The following YLPM1 variants were observed in gnomAD, a reference collection of about 807,000 sequenced individuals.
The protein encoded by YLPM1 is YLP motif-containing protein 1.
YLPM1 carries 99 observed loss-of-function variants against 230.0 expected under a neutral mutation model. That is an observed-to-expected ratio of 0.43 (90% CI 0.37 to 0.51). YLPM1 has a LOEUF of 0.51. YLPM1 is among the 20% of genes least tolerant of loss of function. YLPM1 has a pLI of 0.00. For synonymous variants in YLPM1, 984 were observed against 942.5 expected (o/e 1.04, Z -0.81); for missense variants, 2,592 against 2,707.7 (o/e 0.96, Z 0.95).
intron 4 of YLPM1, among the ~76,000 whole-genome samples, chr14:74,796,616 G>A (rs893446946): frequency 2.0e-5 from 3 of 152,014 alleles, no homozygotes; most frequent in African/African-American, 7.3e-5. Flanking sequence ...GTATCTCTTG[G>A]ATGTAATGTA....
At chr14:74,826,911 A>G (rs2091567292) in intron 18 of YLPM1, among the ~76,000 whole-genome samples, 2 of 152,186 alleles carry the variant, frequency 1.3e-5, no homozygotes, top group Non-Finnish European at 2.9e-5. Flanking sequence ...AATATTTGAG[A>G]CTGTTACCAT....
At chr14:74,773,204 C>T (rs1217447070) in intron 1 of YLPM1, among the ~76,000 whole-genome samples, 3 of 152,092 alleles carry the variant, frequency 2.0e-5, no homozygotes, top group South Asian at 2.1e-4. Flanking sequence ...AGGAGAATGG[C>T]GTGAACTCGG....
At chr14:74,810,161 T>A in intron 8 of YLPM1, 64 bp from the exon 9 acceptor site, 1 of 1,554,238 alleles carries the variant, frequency 6.4e-7, no homozygotes, top group Non-Finnish European at 8.7e-7. Flanking sequence ...AAGTTAGATT[T>A]ATAGTTTTCT....
In YLPM1 at chr14:74,816,981, C is replaced by T; in HGVS notation, c.5736C>T (p.Ser1912=). ...EAEMEETYRT[S]MFKTFKKTLD... ...AGATGGAGGAGACTTACCGCACCAG[C>T]ATGTTCAAAACTTTCAAAAAGACTC... Residue 1912 remains serine (S), a synonymous_variant, in exon 14 of 21, where the codon AGC becomes AGT. Coordinates refer to ENST00000325680, the MANE Select transcript of YLPM1 (RefSeq NM_019589.3). The T allele has an allele frequency of 6.2e-7, 1 of 1,607,556 alleles. No homozygotes were observed. The highest frequency in any genetic ancestry group is 8.5e-7 in the Non-Finnish European group (1 of 1,177,818).
rs114093282 is a variant in YLPM1, at chr14:74,791,738, A to T, written c.2283-5842A>T. Among the ~76,000 whole-genome samples the T allele has an allele frequency of 5.0e-3, 761 of 152,322 alleles. 6 individuals carry two copies. Among genetic ancestry groups the T allele is most frequent in the African/African-American group, 0.018 (729 of 41,564 alleles). Reference sequence around the variant, plus strand: ...TGTCTCACTCTTCCTGTGGACAGTGAACTCCTTGAGGTTAGGCATGACTCT... The same window carrying T: ...TGTCTCACTCTTCCTGTGGACAGTGTACTCCTTGAGGTTAGGCATGACTCT... On this transcript the variant is annotated intron_variant, in intron 4 of 20. Coordinates refer to ENST00000325680, the MANE Select transcript of YLPM1 (RefSeq NM_019589.3).
chr14:74,808,159 A>G (rs1200201913), intron 6 of YLPM1, among the ~76,000 whole-genome samples: 1 of 152,180 alleles, frequency 6.6e-6, no homozygotes, highest in East Asian at 1.9e-4. Flanking sequence ...GTTAATCCTC[A>G]TTCCTACCCC....
chr14:74,813,908 A>C (rs1373910818), intron 11 of YLPM1, among the ~76,000 whole-genome samples: 1 of 152,200 alleles, frequency 6.6e-6, no homozygotes, highest in Non-Finnish European at 1.5e-5. Context: ...TGTCATCTGC[A>C]AATATACTTT....
chr14:74,811,895 G>T (rs2091438272), intron 10 of YLPM1, among the ~76,000 whole-genome samples, 157 bp downstream of exon 10: 1 of 152,156 alleles, frequency 6.6e-6, no homozygotes, highest in Non-Finnish European at 1.5e-5. Flanking sequence ...TGTAATTAAT[G>T]AAATAAAGCA....
Position 74,763,951 on chromosome 14 carries a change from T to C in YLPM1, c.462T>C (p.Pro154=). 8.9e-7 allele frequency: 1 copy of C among 1,128,450 alleles called. No individual in the cohort carries two copies. The highest frequency in any genetic ancestry group is 1.1e-6 in the Non-Finnish European group (1 of 886,690). The allele number at this position is 1,128,450 out of a possible 1,614,324, so 69.9% of individuals were successfully genotyped here. A position where few individuals can be genotyped will look rare whatever the true frequency, so the allele number is the denominator to read the frequency against. ...ESPPESPPVP[P]GSYMPPSQSY... ...CCCCTGAATCTCCCCCTGTGCCGCC[T>C]GGGTCCTATATGCCCCCATCTCAGT... The change falls in exon 1 of 21, where the codon CCT becomes CCC. Residue 154 remains proline (P), a synonymous_variant. Coordinates refer to ENST00000325680, the MANE Select transcript of YLPM1 (RefSeq NM_019589.3).
Position 74,835,339 on chromosome 14 carries a change from T to A in YLPM1, c.6369T>A (p.Thr2123=). Reference sequence around the variant, plus strand: ...CCATAGGTTTTGTGGTCGGACAGACTGATTGGGAGAAGATCACAGATGAAA... The same window carrying A: ...CCATAGGTTTTGTGGTCGGACAGACAGATTGGGAGAAGATCACAGATGAAA... ...KRAIGFVVGQ[T]DWEKITDESG... The change falls in exon 20 of 21, where the codon ACT becomes ACA. Residue 2123 remains threonine (T), a synonymous_variant. Coordinates refer to ENST00000325680, the MANE Select transcript of YLPM1 (RefSeq NM_019589.3). The A allele has an allele frequency of 6.2e-7, 1 of 1,613,784 alleles. No individual in the cohort carries two copies. The highest frequency in any genetic ancestry group is 2.2e-5 in the East Asian group (1 of 44,870).
chr14:74,764,071 C>G lies in YLPM1; in HGVS notation c.582C>G (p.Ser194=). The change falls in exon 1 of 21, where the codon TCC becomes TCG. Residue 194 remains serine, a synonymous_variant. Coordinates refer to ENST00000325680, the MANE Select transcript of YLPM1 (RefSeq NM_019589.3). ...LPPAQPSPSQ[S]PPSQSYLAPT... Reference sequence around the variant, plus strand: ...CTGCTCAGCCGTCCCCTTCGCAGTCCCCACCTTCCCAATCCTACCTGGCGC... The same window carrying G: ...CTGCTCAGCCGTCCCCTTCGCAGTCGCCACCTTCCCAATCCTACCTGGCGC... 6.2e-7 allele frequency: 1 copy of G among 1,613,164 alleles called. No homozygotes were observed. The highest frequency in any genetic ancestry group is 8.5e-7 in the Non-Finnish European group (1 of 1,179,712).
At chr14:74,776,511 A>G (rs1209813686) in intron 1 of YLPM1, among the ~76,000 whole-genome samples, 1 of 152,256 alleles carries the variant, frequency 6.6e-6, no homozygotes, top group East Asian at 1.9e-4. Context: ...ACTAAACAGC[A>G]TCTCAGCTCT....
chr14:74,825,653 G>A (rs1341983310), intron 18 of YLPM1, among the ~76,000 whole-genome samples: 2 of 152,120 alleles, frequency 1.3e-5, no homozygotes, highest in Non-Finnish European at 2.9e-5. Flanking sequence ...ACATTAGAAT[G>A]ACCCATAATA....
At chr14:74,787,453 C>G (rs578095831) in intron 4 of YLPM1, among the ~76,000 whole-genome samples, 7 of 152,092 alleles carry the variant, frequency 4.6e-5, no homozygotes, top group Non-Finnish European at 8.8e-5. Flanking sequence ...ATTCCAGCTA[C>G]TCGGGAGGCC....
chr14:74,773,176 T>C (rs563840604), intron 1 of YLPM1, among the ~76,000 whole-genome samples: 2 of 152,188 alleles, frequency 1.3e-5, no homozygotes, highest in South Asian at 4.1e-4. Context: ...TAGTCCCAAC[T>C]ACTCAGGAGG....
chr14:74,766,975 C>T (rs957425324), intron 1 of YLPM1, among the ~76,000 whole-genome samples: 2 of 151,262 alleles, frequency 1.3e-5, no homozygotes, highest in Non-Finnish European at 3.0e-5. Flanking sequence ...CCTCTGCCTC[C>T]CGGGTTCAAG....
chr14:74,835,342 T>C lies in YLPM1; in HGVS notation c.6372T>C (p.Asp2124=), dbSNP rs748647313. The C allele has an allele frequency of 2.7e-5, 44 of 1,613,562 alleles. No individual in the cohort carries two copies. Among genetic ancestry groups the C allele is most frequent in the Non-Finnish European group, 3.4e-5 (40 of 1,179,722 alleles). ...TAGGTTTTGTGGTCGGACAGACTGA[T>C]TGGGAGAAGATCACAGATGAAAGTG... The part of the protein sequence containing the change: ...RAIGFVVGQT[D]WEKITDESGH... Residue 2124 remains aspartate, a synonymous_variant, in exon 20 of 21, where the codon GAT becomes GAC. Transcript: ENST00000325680.
At chr14:74,776,198 A>G (rs1408316283) in intron 1 of YLPM1, among the ~76,000 whole-genome samples, 1 of 152,062 alleles carries the variant, frequency 6.6e-6, no homozygotes, top group Non-Finnish European at 1.5e-5. Flanking sequence ...CTGTGTAGTC[A>G]GTTTTCTTTA....
At chr14:74,835,072 T>TGG in intron 19 of YLPM1, 193 bp from the exon 20 acceptor site, 1 of 627,704 alleles carries the variant, frequency 1.6e-6, no homozygotes, top group Middle Eastern at 4.4e-4. Flanking sequence ...GGTTAGGACT[T>TGG]GGATTGTCCA....
Sources: gnomAD v4.1 joint callset for allele counts (sites outside exome capture counted in the v4.1 genomes callset) on GRCh38, gnomAD v4.1.1 for gene constraint, MANE v1.5 for transcripts, NCBI Gene and HGNC (gene_info 2026-07-23, HGNC 2026-07-21) for gene names.